The following HORMAD2 variants were observed in gnomAD, a reference collection of about 807,000 sequenced individuals.
HORMAD2 encodes HORMA domain containing 2.
A neutral mutation model predicts 38.8 loss-of-function variants in HORMAD2; 45 were observed. That is an observed-to-expected ratio of 1.16 (90% confidence interval 0.91 to 1.49). HORMAD2 has a LOEUF of 1.49. Among genes scored for constraint, HORMAD2 ranks in the 40% most tolerant of loss-of-function variants. The probability of loss-of-function intolerance (pLI) is 0.00; values close to 1 mark genes in which losing one functional copy is unlikely to be tolerated. For missense variants in HORMAD2, 338 were observed against 367.0 expected (o/e 0.92, Z 0.65); for synonymous variants, 126 against 122.8 (o/e 1.03, Z -0.17).
At chr22:30,113,292 C>G (rs1245712595) in intron 7 of HORMAD2, among the ~76,000 whole-genome samples, 2 of 151,854 alleles carry the variant, frequency 1.3e-5, no homozygotes, top group Non-Finnish European at 2.9e-5. Flanking sequence ...GTTACATAGG[C>G]TGGCTCTGCC....
Position 30,121,712 on chromosome 22 carries a change from T to C in HORMAD2, c.491T>C (p.Leu164Ser), listed in dbSNP as rs774253801. 1.2e-6 allele frequency: 2 copies of C among 1,611,194 alleles called. No homozygotes were observed. Among genetic ancestry groups the C allele is most frequent in the Non-Finnish European group, 1.7e-6 (2 of 1,178,378 alleles). Residue 164 changes from leucine (L) to serine (S), a missense_variant, in exon 9 of 11, where the codon TTG (leucine) becomes TCG (serine). By Grantham distance (145) the Leu-to-Ser change is moderately radical. Transcript: ENST00000336726. ...KKASVLLIRK[L>S]YILMQDLEPL... is the part of the protein sequence containing the mutation. ...GCCAGTGTTCTACTGATCCGTAAAT[T>C]GTATATACTGATGCAGGACCTTGAG...
intron 10 of HORMAD2, 75 bp from the exon 11 acceptor site, chr22:30,175,988 T>C: frequency 1.1e-6 from 1 of 949,700 alleles, no homozygotes; most frequent in South Asian, 1.4e-5. Context: ...ATGCTTGGTC[T>C]ACCTGTCTTA....
At chr22:30,157,670 C>T (rs928532135) in intron 10 of HORMAD2, among the ~76,000 whole-genome samples, 1 of 152,094 alleles carries the variant, frequency 6.6e-6, no homozygotes, top group Admixed American at 6.5e-5. Flanking sequence ...CATTGTAAGT[C>T]AAGCATGTTC....
chr22:30,115,264 C>A lies in HORMAD2; in HGVS notation c.342+2742C>A, dbSNP rs138992418. ...ACCTCAGCTTCCCAAGTAGCTGGGA[C>A]TGCAGTTGTTCGCCACAATGCCCAG... On this transcript the variant is annotated intron_variant, in intron 7 of 10. Coordinates refer to ENST00000336726, the MANE Select transcript of HORMAD2 (RefSeq NM_152510.4). Among the ~76,000 whole-genome samples, 480 of 152,204 alleles carry A rather than the reference C, an allele frequency of 3.2e-3. 1 individual carries two copies. The highest frequency in any genetic ancestry group is 5.6e-3 in the Non-Finnish European group (378 of 68,018).
chr22:30,158,610 C>T (rs150886987), intron 10 of HORMAD2, among the ~76,000 whole-genome samples: 6 of 99,244 alleles, frequency 6.0e-5, no homozygotes, highest in South Asian at 4.8e-4. Context: ...TCCCTCCCTC[C>T]GTCCCTCCCT....
intron 10 of HORMAD2, among the ~76,000 whole-genome samples, chr22:30,132,539 CA>C (rs11384913): frequency 3.8e-4 from 49 of 129,746 alleles, no homozygotes; most frequent in Middle Eastern, 3.9e-3. Context: ...GACTCCGTCT[CA>C]AAAAAAAAAA....
chr22:30,148,570 T>C (rs1468177), intron 10 of HORMAD2, among the ~76,000 whole-genome samples: 69,789 of 152,062 alleles, frequency 0.46, 16,854 homozygotes, highest in African/African-American at 0.6. Context: ...TTTTAAAAAG[T>C]AGTGATCCAT....
At chr22:30,095,433 G>A (rs1439030134) in intron 2 of HORMAD2, among the ~76,000 whole-genome samples, 1 of 152,166 alleles carries the variant, frequency 6.6e-6, no homozygotes, top group Non-Finnish European at 1.5e-5. Context: ...CTGCTTTGGA[G>A]CCATTAGAGT....
chr22:30,200,893 G>A, the HORMAD2 span, among the ~76,000 whole-genome samples: 1 of 151,972 alleles, frequency 6.6e-6, no homozygotes, highest in East Asian at 1.9e-4. Flanking sequence ...GGGACTACAG[G>A]TGCCCACCAC....
intron 10 of HORMAD2, among the ~76,000 whole-genome samples, chr22:30,147,418 G>GA (rs34779804): frequency 7.4e-5 from 11 of 148,836 alleles, no homozygotes; most frequent in African/African-American, 2.2e-4. Context: ...TAGTCATATG[G>GA]AAAAAAAAAT....
At chr22:30,124,315 G>A (rs1397417435) in intron 10 of HORMAD2, among the ~76,000 whole-genome samples, 1 of 149,134 alleles carries the variant, frequency 6.7e-6, no homozygotes, top group Non-Finnish European at 1.5e-5. Context: ...GTATACATAT[G>A]TAGAATCTTT....
At chr22:30,193,500 T>C in the HORMAD2 span, among the ~76,000 whole-genome samples, 2 of 151,790 alleles carry the variant, frequency 1.3e-5, no homozygotes, top group Non-Finnish European at 2.9e-5. Context: ...TGGGGAAGGG[T>C]CAGAAGGGAC....
chr22:30,158,621 CCCTCCCTTCCTCCCTT>C (rs1325005274), intron 10 of HORMAD2, among the ~76,000 whole-genome samples: 2 of 124,508 alleles, frequency 1.6e-5, no homozygotes, highest in East Asian at 5.3e-4. Flanking sequence ...GTCCCTCCCT[CCCTCCCTTCCTCCCTT>C]CCTCCCTTCC....
At chr22:30,078,723 G>C (rs1387128731), upstream of HORMAD2, among the ~76,000 whole-genome samples, 2 of 151,250 alleles carry the variant, frequency 1.3e-5, no homozygotes, top group Non-Finnish European at 2.9e-5. Flanking sequence ...GTATAGGGCA[G>C]AGAGGGGTAA....
chr22:30,124,521 A>G (rs976581697), intron 10 of HORMAD2, among the ~76,000 whole-genome samples: 1 of 152,174 alleles, frequency 6.6e-6, no homozygotes. Context: ...CCTGACCTTC[A>G]TGATAACCTT....
In HORMAD2 at chr22:30,121,979, A is replaced by G; in HGVS notation, c.584A>G (p.Tyr195Cys). 1 of 1,611,368 alleles carries G rather than the reference A, an allele frequency of 6.2e-7. No individual in the cohort carries two copies. The highest frequency in any genetic ancestry group is 8.5e-7 in the Non-Finnish European group (1 of 1,178,624). ...HYYNAVTPHD[Y>C]QPLGFKEGVN... ...CATTTCGCAGTGACCCCACATGATT[A>G]CCAACCCCTCGGTTTTAAAGAAGGG... is the stretch of plus-strand genomic sequence containing the variant. The change falls in exon 10 of 11, where the codon TAC (tyrosine) becomes TGC (cysteine). Residue 195 changes from tyrosine (Y) to cysteine (C), a missense_variant. Transcript: ENST00000336726.
chr22:30,134,549 T>C (rs898137718), intron 10 of HORMAD2, among the ~76,000 whole-genome samples: 1 of 150,916 alleles, frequency 6.6e-6, no homozygotes, highest in Non-Finnish European at 1.5e-5. Flanking sequence ...TCTTTACCAT[T>C]GTCAGAAGGA....
chr22:30,150,276 A>G (rs1049995727), intron 10 of HORMAD2, among the ~76,000 whole-genome samples: 1 of 152,108 alleles, frequency 6.6e-6, no homozygotes, highest in Non-Finnish European at 1.5e-5. Context: ...ACTCCTTGAC[A>G]TAGTCCTACT....
At chr22:30,147,411 T>C (rs1335686408) in intron 10 of HORMAD2, among the ~76,000 whole-genome samples, 1 of 150,098 alleles carries the variant, frequency 6.7e-6, no homozygotes, top group Non-Finnish European at 1.5e-5. Context: ...AACTGGATAG[T>C]CATATGGAAA....
Sources: allele counts gnomAD v4.1 joint callset (sites outside exome capture counted in the v4.1 genomes callset), GRCh38; gene constraint gnomAD v4.1.1; transcripts MANE v1.5; gene names NCBI Gene and HGNC (gene_info 2026-07-23, HGNC 2026-07-21).